The following ICA1L variants were observed in gnomAD, a reference collection of about 807,000 sequenced individuals.
ICA1L encodes the protein islet cell autoantigen 1-like protein.
ICA1L carries 50 observed loss-of-function variants against 61.3 expected under a neutral mutation model. The ratio of observed to expected loss-of-function variants is 0.82; its 90% CI spans 0.65 to 1.03. The LOEUF (loss-of-function observed/expected upper bound fraction) is 1.03. Among genes scored for constraint, ICA1L ranks in the 50% least tolerant of loss-of-function variants. The pLI is 0.00. For synonymous variants in ICA1L, 161 were observed against 191.3 expected, an observed-to-expected ratio of 0.84 and a Z score of 1.31; for missense variants, 508 against 556.7, an observed-to-expected ratio of 0.91 and a Z score of 0.88.
At chr2:202,844,510 C>T (rs1464056476) in intron 1 of ICA1L, 2 of 152,150 alleles carry the variant, frequency 1.3e-5, no homozygotes, top group Non-Finnish European at 1.5e-5. Flanking sequence ...ACTGTGAGAG[C>T]CAAATAATCT....
At chr2:202,781,676 C>T (rs1158287884) in intron 12 of ICA1L, among the ~76,000 whole-genome samples, 3 of 152,070 alleles carry the variant, frequency 2.0e-5, no homozygotes, top group Non-Finnish European at 4.4e-5. Flanking sequence ...CAGGGAATGC[C>T]AGGGTAAATC....
At position 202,814,628 on chromosome 2, in the gene ICA1L, A is replaced by G. The variant is rs375549313; in HGVS notation, c.866+74T>C. 101 of 963,722 alleles carry G rather than the reference A, an allele frequency of 1.0e-4. 2 individuals are homozygous for G. The East Asian group carries it at 2.1e-3, about 20-fold the overall frequency. 59.7% of individuals were successfully genotyped at this position (963,722 alleles called of 1,614,324 possible). A position where few individuals can be genotyped will look rare whatever the true frequency, so the allele number is the denominator to read the frequency against. On this transcript the variant is annotated intron_variant, in intron 8 of 12. Coordinates refer to ENST00000358299, the MANE Select transcript of ICA1L (RefSeq NM_001288622.3). ...TAAATATTCAGTAAGAGAAGAAACA[A>G]TTCTTTCCACATATATCATATGATG...
rs561961889 is a variant in ICA1L at position 202,822,246 on chromosome 2, C to T, written c.236-765G>A. Among the ~76,000 whole-genome samples, 4 of 152,238 alleles carry T rather than the reference C, an allele frequency of 2.6e-5. No individual in the cohort carries two copies. In the South Asian group the frequency reaches 6.2e-4, roughly 24 times the overall value. ...GCTTGATCATAGCTCACTGCAACCT[C>T]GAATTCCTGGGCTCAAGTGATCCTC... On this transcript the variant is annotated intron_variant, in intron 3 of 12. Coordinates refer to ENST00000358299, the MANE Select transcript of ICA1L (RefSeq NM_001288622.3).
At position 202,868,621 on chromosome 2, in the gene ICA1L, TAAA is replaced by T. The variant is rs767635587; in HGVS notation, c.-8+2995_-8+2997del. Among the ~76,000 whole-genome samples, 6 of 152,270 alleles carry T rather than the reference TAAA, an allele frequency of 3.9e-5. No homozygotes were observed. In the South Asian group the frequency reaches 1.0e-3, roughly 26 times the overall value. ...ACTAGAAACAATCTAAGTATATTAA[TAAA>T]AAGCTATACAGATAAAAATGTAGTA... On this transcript the variant is annotated intron_variant, in intron 1 of 12. Transcript: ENST00000358299.
chr2:202,867,503 C>T (rs181991934), intron 1 of ICA1L, among the ~76,000 whole-genome samples: 7 of 152,194 alleles, frequency 4.6e-5, no homozygotes, highest in East Asian at 1.9e-4. Context: ...ACCACTGAAA[C>T]GGTACAATAA....
rs779921681 is a variant in ICA1L at position 202,789,108 on chromosome 2, CAGAA to C, written c.986-25_986-22del. ...TGCAACTATTGAGTGTAAATAAAAA[CAGAA>C]AGGCTTTTTTGATTTTAGGAAATGA... On this transcript the variant is annotated intron_variant, in intron 10 of 12. Transcript: ENST00000358299. The C allele has an allele frequency of 3.2e-6, 5 of 1,578,278 alleles. No individual in the cohort carries two copies. The East Asian group carries it at 6.7e-5, about 21-fold the overall frequency.
Position 202,774,195 on chromosome 2 carries a change from A to C in ICA1L, c.*5338T>G. Reference sequence around the variant, plus strand: ...TTCTTGGAGAGCGGGCACACCAGGAACTCCAGCAGCGCCGGATCGAAGGCG... The same window carrying C: ...TTCTTGGAGAGCGGGCACACCAGGACCTCCAGCAGCGCCGGATCGAAGGCG... On this transcript the variant is annotated 3_prime_UTR_variant, in exon 13 of 13. Transcript: ENST00000358299. 6.4e-7 allele frequency: 1 copy of C among 1,550,530 alleles called. No individual in the cohort carries two copies.
At chr2:202,843,848 G>T (rs763723753) in intron 1 of ICA1L, among the ~76,000 whole-genome samples, 3 of 152,206 alleles carry the variant, frequency 2.0e-5, no homozygotes, top group Non-Finnish European at 4.4e-5. Context: ...GGCCCAGGGT[G>T]CAAACTCTTT....
At chr2:202,797,712 G>A (rs1413208642) in intron 9 of ICA1L, among the ~76,000 whole-genome samples, 1 of 152,054 alleles carries the variant, frequency 6.6e-6, no homozygotes, top group African/African-American at 2.4e-5. Flanking sequence ...AGTAGAGATG[G>A]GGTTTTGCCA....
rs556215905 is a variant in ICA1L at position 202,852,436 on chromosome 2, T to C, written c.-8+19183A>G. ...CTGTAATCCCAGCACTTTGGGAGGC[T>C]GAGGCGGGCGGATCACAAGGTCAGG... On this transcript the variant is annotated intron_variant, in intron 1 of 12. Transcript: ENST00000358299. 2.3e-3 allele frequency among the ~76,000 whole-genome samples: 355 copies of C among 151,826 alleles called. 3 individuals are homozygous for C. The highest frequency in any genetic ancestry group is 8.3e-3 in the African/African-American group (345 of 41,422).
At chr2:202,833,381 G>T (rs1476907473) in intron 1 of ICA1L, among the ~76,000 whole-genome samples, 1 of 152,014 alleles carries the variant, frequency 6.6e-6, no homozygotes, top group Non-Finnish European at 1.5e-5. Context: ...AGGAGCTCAA[G>T]ACCAGTCTGG....
intron 10 of ICA1L, among the ~76,000 whole-genome samples, chr2:202,794,931 T>C (rs1487754634): frequency 6.6e-6 from 1 of 151,590 alleles, no homozygotes; most frequent in Non-Finnish European, 1.5e-5. Context: ...CAATAAAGTA[T>C]CGAGCTTTTT....
intron 10 of ICA1L, among the ~76,000 whole-genome samples, chr2:202,790,505 T>C (rs1692713184): frequency 6.6e-6 from 1 of 152,206 alleles, no homozygotes; most frequent in Non-Finnish European, 1.5e-5. Context: ...TCCAGTCTGG[T>C]GCAGCCAGAA....
chr2:202,847,713 A>ATATATATATATATAT (rs1242055604), intron 1 of ICA1L, among the ~76,000 whole-genome samples: 10 of 147,462 alleles, frequency 6.8e-5, no homozygotes, highest in African/African-American at 1.5e-4. Flanking sequence ...ATATATAGTT[A>ATATATATATATATAT]AGCAGTGAGA....
intron 1 of ICA1L, among the ~76,000 whole-genome samples, chr2:202,870,345 CCTT>C (rs1687661008): frequency 6.6e-6 from 1 of 152,068 alleles, no homozygotes; most frequent in South Asian, 2.1e-4. Flanking sequence ...CTCTGAGCAC[CCTT>C]CTAACTCTAA....
chr2:202,816,156 A>G (rs887855877), intron 6 of ICA1L, 147 bp from the exon 7 acceptor site: 60 of 545,238 alleles, frequency 1.1e-4, no homozygotes, highest in Non-Finnish European at 1.2e-4. Flanking sequence ...TTAGGGAACC[A>G]TAAAGCACTG....
chr2:202,797,747 C>A (rs937126745), intron 9 of ICA1L, among the ~76,000 whole-genome samples: 3 of 152,196 alleles, frequency 2.0e-5, no homozygotes, highest in Admixed American at 1.3e-4. Flanking sequence ...ATCTTGAACT[C>A]CTGACCTCAA....
intron 9 of ICA1L, among the ~76,000 whole-genome samples, chr2:202,810,334 T>G (rs942657134): frequency 2.0e-5 from 3 of 152,224 alleles, no homozygotes; most frequent in Non-Finnish European, 2.9e-5. Flanking sequence ...TCATGGACAT[T>G]TATTAGTTCC....
chr2:202,799,621 A>C (rs1254415651), intron 9 of ICA1L, among the ~76,000 whole-genome samples: 1 of 152,100 alleles, frequency 6.6e-6, no homozygotes, highest in Non-Finnish European at 1.5e-5. Flanking sequence ...TAGTTTAATT[A>C]AGTCCCTTTT....
Sources: gnomAD v4.1 joint callset for allele counts (sites outside exome capture counted in the v4.1 genomes callset) on GRCh38, gnomAD v4.1.1 for gene constraint, MANE v1.5 for transcripts, NCBI Gene and HGNC (gene_info 2026-07-23, HGNC 2026-07-21) for gene names.